The following NRCAM variants were observed in gnomAD, a reference collection of about 807,000 sequenced individuals.
NRCAM encodes NgCAM-related cell adhesion molecule.
A neutral mutation model predicts 156.5 loss-of-function variants in NRCAM; 83 were observed. The observed-to-expected ratio is 0.53, with a 90% CI of 0.44 to 0.64. The LOEUF is 0.64. Ranked by LOEUF, NRCAM falls within the 30% of genes least tolerant of loss-of-function variation. The pLI is 0.00. For synonymous variants in NRCAM, 538 were observed against 563.9 expected, an observed-to-expected ratio of 0.95 and a Z score of 0.65; for missense variants, 1,417 against 1,597.3, an observed-to-expected ratio of 0.89 and a Z score of 1.92.
Position 108,402,559 on chromosome 7 carries a change from C to T in NRCAM, c.-331-2966G>A, listed in dbSNP as rs561602020. Among the ~76,000 whole-genome samples, 2 of 152,294 alleles carry T rather than the reference C, an allele frequency of 1.3e-5. 1 individual carries two copies. Among genetic ancestry groups the T allele is most frequent in the Admixed American group, 1.3e-4 (2 of 15,300 alleles). ...GAGACAGAAGGAGCCTGGAAGGTCA[C>T]TAAATCCAACCATCTATCTGCCTGT... is the stretch of plus-strand genomic sequence containing the variant. On this transcript the variant is annotated intron_variant, in intron 1 of 32. Transcript: ENST00000379028.
At chr7:108,381,589 C>T (rs2099701555) in intron 2 of NRCAM, among the ~76,000 whole-genome samples, 1 of 134,028 alleles carries the variant, frequency 7.5e-6, no homozygotes, top group East Asian at 2.2e-4. Flanking sequence ...GACAGAGTTT[C>T]ACTCTTGTTG....
intron 3 of NRCAM, among the ~76,000 whole-genome samples, chr7:108,245,190 G>T (rs2095826935): frequency 6.6e-6 from 1 of 152,154 alleles, no homozygotes; most frequent in African/African-American, 2.4e-5. Context: ...TAGAGCTCCA[G>T]TTCCGGAAGG....
intron 3 of NRCAM, among the ~76,000 whole-genome samples, chr7:108,250,806 C>T (rs918798189): frequency 1.3e-5 from 2 of 152,002 alleles, no homozygotes; most frequent in African/African-American, 4.8e-5. Context: ...GGATGGATAA[C>T]CCATTTTACA....
At chr7:108,365,577 TATTA>T (rs1461620177) in intron 2 of NRCAM, among the ~76,000 whole-genome samples, 4 of 151,380 alleles carry the variant, frequency 2.6e-5, no homozygotes, top group African/African-American at 7.4e-5. Flanking sequence ...GCTTGTAACA[TATTA>T]ATTATTAATT....
At chr7:108,315,192 T>G (rs975313135) in intron 2 of NRCAM, among the ~76,000 whole-genome samples, 3 of 152,168 alleles carry the variant, frequency 2.0e-5, no homozygotes, top group Admixed American at 2.0e-4. Flanking sequence ...GACAGTAAAT[T>G]ATAAATTTAT....
intron 1 of NRCAM, among the ~76,000 whole-genome samples, chr7:108,445,398 A>T (rs1843105229): frequency 6.6e-6 from 1 of 152,216 alleles, no homozygotes; most frequent in African/African-American, 2.4e-5. Flanking sequence ...ATCAATCTCC[A>T]GGCTGCAGTG....
At chr7:108,337,882 A>G (rs982387440) in intron 2 of NRCAM, among the ~76,000 whole-genome samples, 4 of 152,176 alleles carry the variant, frequency 2.6e-5, no homozygotes, top group Non-Finnish European at 5.9e-5. Flanking sequence ...GTAATATTGG[A>G]CCACTTTCAC....
At chr7:108,270,822 T>G (rs961541230) in intron 3 of NRCAM, among the ~76,000 whole-genome samples, 1 of 152,164 alleles carries the variant, frequency 6.6e-6, no homozygotes, top group Non-Finnish European at 1.5e-5. Context: ...CCCAGAATAG[T>G]CAAATGTGAG....
intron 1 of NRCAM, among the ~76,000 whole-genome samples, chr7:108,426,809 G>A (rs1295460055): frequency 2.0e-5 from 3 of 152,104 alleles, no homozygotes; most frequent in East Asian, 1.9e-4. Flanking sequence ...GAAGTGGGTC[G>A]GCAACAATGT....
intron 2 of NRCAM, among the ~76,000 whole-genome samples, chr7:108,370,022 T>C (rs1363401786): frequency 6.6e-6 from 1 of 152,192 alleles, no homozygotes; most frequent in Non-Finnish European, 1.5e-5. Context: ...AATCCAGCTG[T>C]CTGAAAATAT....
At chr7:108,193,563 C>G (rs1480176765) in intron 17 of NRCAM, among the ~76,000 whole-genome samples, 2 of 152,152 alleles carry the variant, frequency 1.3e-5, no homozygotes, top group East Asian at 3.8e-4. Flanking sequence ...TTTTCCTTCC[C>G]CTTTCACTGG....
chr7:108,441,791 A>C (rs1175485198), intron 1 of NRCAM, among the ~76,000 whole-genome samples: 1 of 152,226 alleles, frequency 6.6e-6, no homozygotes, highest in South Asian at 2.1e-4. Context: ...AATTTTGAAA[A>C]GAAAGTTTTA....
At chr7:108,223,502 G>A (rs2092825833) in intron 11 of NRCAM, among the ~76,000 whole-genome samples, 1 of 151,980 alleles carries the variant, frequency 6.6e-6, no homozygotes, top group Non-Finnish European at 1.5e-5. Context: ...ATCATAAGGT[G>A]ATTACTGATA....
Position 108,237,739 on chromosome 7 carries a change from G to C in NRCAM, c.124+13C>G, listed in dbSNP as rs1562890213. 1 of 1,580,392 alleles carries C rather than the reference G, an allele frequency of 6.3e-7. No homozygotes were observed. Among genetic ancestry groups the C allele is most frequent in the Admixed American group, 1.8e-5 (1 of 55,904 alleles). On this transcript the variant is annotated intron_variant, in intron 5 of 32. Transcript: ENST00000379028. The stretch of plus-strand genomic sequence containing the variant: ...TTTTCACACTGCCTAGTAATTTATA[G>C]AAGGACACTTACAGTCTTCAAGAAG...
rs920492747 is a variant in NRCAM at position 108,421,731 on chromosome 7, T to C, written c.-331-22138A>G. Among the ~76,000 whole-genome samples, 5 of 152,166 alleles carry C rather than the reference T, an allele frequency of 3.3e-5. 1 individual carries two copies. The highest frequency in any genetic ancestry group is 3.9e-4 in the East Asian group (2 of 5,194). Reference sequence around the variant, plus strand: ...CAATCTACAACTTAAGAAAAATCAATTGGGTAGCAACCACTGACAGAGTAA... The same window carrying C: ...CAATCTACAACTTAAGAAAAATCAACTGGGTAGCAACCACTGACAGAGTAA... On this transcript the variant is annotated intron_variant, in intron 1 of 32. Transcript: ENST00000379028.
intron 10 of NRCAM, among the ~76,000 whole-genome samples, chr7:108,224,122 T>C (rs1311103882): frequency 6.6e-6 from 1 of 152,166 alleles, no homozygotes; most frequent in African/African-American, 2.4e-5. Flanking sequence ...TTACAAATTT[T>C]CTGTGGGTTA....
At chr7:108,407,261 A>C (rs2099809870) in intron 1 of NRCAM, among the ~76,000 whole-genome samples, 1 of 152,224 alleles carries the variant, frequency 6.6e-6, no homozygotes, top group African/African-American at 2.4e-5. Context: ...AATCATTTTT[A>C]GTGTCTGAAT....
At position 108,159,457 on chromosome 7, in the gene NRCAM, G is replaced by T. The variant is rs367675540; in HGVS notation, c.3677+6C>A. ...GAAGATGAAGAGCAGAGAAGCAGGG[G>T]CTCACCTGTATTCTCCAAATGTCCC... On this transcript the variant is annotated splice_donor_region_variant and intron_variant, in intron 32 of 32. Coordinates refer to ENST00000379028, the MANE Select transcript of NRCAM (RefSeq NM_001037132.4). 5 of 1,611,306 alleles carry T rather than the reference G, an allele frequency of 3.1e-6. No individual in the cohort carries two copies. In the African/African-American group the frequency reaches 4.0e-5, roughly 13 times the overall value.
At chr7:108,211,371 C>T (rs894351275) in intron 11 of NRCAM, among the ~76,000 whole-genome samples, 2 of 152,098 alleles carry the variant, frequency 1.3e-5, no homozygotes, top group Non-Finnish European at 2.9e-5. Flanking sequence ...TTGAACCAGA[C>T]GAGAAACCTC....
Sources: allele counts gnomAD v4.1 joint callset (sites outside exome capture counted in the v4.1 genomes callset), GRCh38; gene constraint gnomAD v4.1.1; transcripts MANE v1.5; gene names NCBI Gene and HGNC (gene_info 2026-07-23, HGNC 2026-07-21).